The following AOPEP variants were observed in gnomAD, a reference collection of about 807,000 sequenced individuals.
AOPEP encodes aminopeptidase O.
AOPEP carries 77 observed loss-of-function variants against 98.1 expected under a neutral mutation model. The observed-to-expected ratio is 0.78, with a 90% CI of 0.65 to 0.95. The LOEUF (loss-of-function observed/expected upper bound fraction) is 0.95, where lower values mean the gene tolerates loss of function less well. Among genes scored for constraint, AOPEP ranks in the 40% least tolerant of loss-of-function variants. The probability of loss-of-function intolerance (pLI) is 0.00; values close to 1 mark genes in which losing one functional copy is unlikely to be tolerated. For missense variants in AOPEP, 1,024 were observed against 1,024.7 expected, an observed-to-expected ratio of 1.00 and a Z score of 0.01; for synonymous variants, 346 against 365.3, an observed-to-expected ratio of 0.95 and a Z score of 0.60.
At chr9:94,852,793 T>G (rs1246119017) in intron 5 of AOPEP, among the ~76,000 whole-genome samples, 1 of 152,240 alleles carries the variant, frequency 6.6e-6, no homozygotes, top group Non-Finnish European at 1.5e-5. Context: ...ATCTTTAAGA[T>G]TATATATATG....
chr9:94,883,410 A>G (rs2047824098), intron 5 of AOPEP, among the ~76,000 whole-genome samples: 1 of 152,238 alleles, frequency 6.6e-6, no homozygotes, highest in Non-Finnish European at 1.5e-5. Flanking sequence ...AATGAGGTAC[A>G]TAAACAGCTG....
rs528942672 is a variant in AOPEP at position 94,834,280 on chromosome 9, AAG to A, written c.1364+33288_1364+33289del. Among the ~76,000 whole-genome samples the A allele has an allele frequency of 2.0e-5, 3 of 152,328 alleles. No individual in the cohort carries two copies. In the South Asian group the frequency reaches 6.2e-4, roughly 32 times the overall value. On this transcript the variant is annotated intron_variant, in intron 5 of 16. Transcript: ENST00000375315. ...TCTTCAAAAGATACATTGCAAGGAA[AAG>A]AGAGAGAGATTGGGAGAACTGAAAA...
intron 5 of AOPEP, among the ~76,000 whole-genome samples, chr9:94,915,223 A>G (rs2052627050): frequency 6.6e-6 from 1 of 152,224 alleles, no homozygotes; most frequent in South Asian, 2.1e-4. Flanking sequence ...TAACGAACAT[A>G]AAATACTTAG....
chr9:94,797,328 G>T (rs921935525), intron 4 of AOPEP, among the ~76,000 whole-genome samples: 1 of 151,954 alleles, frequency 6.6e-6, no homozygotes, highest in Non-Finnish European at 1.5e-5. Context: ...GCTTACAGGA[G>T]GCTGGGGCAG....
intron 8 of AOPEP, 55 bp from the exon 9 acceptor site, chr9:94,955,853 T>C: frequency 7.7e-7 from 1 of 1,295,312 alleles, no homozygotes; most frequent in African/African-American, 1.5e-5. Context: ...ATATAACCAT[T>C]TTTTTATGAA....
intron 5 of AOPEP, among the ~76,000 whole-genome samples, chr9:94,908,596 A>G (rs994084845): frequency 6.6e-6 from 1 of 152,184 alleles, no homozygotes; most frequent in African/African-American, 2.4e-5. Flanking sequence ...CATCATACAC[A>G]AAACCGTCAA....
intron 10 of AOPEP, among the ~76,000 whole-genome samples, chr9:94,968,291 C>T (rs2059331338): frequency 6.6e-6 from 1 of 152,174 alleles, no homozygotes; most frequent in African/African-American, 2.4e-5. Context: ...CTCTGTCACC[C>T]AGGATGGAGT....
At chr9:94,943,762 TACAA>T (rs767963555) in intron 7 of AOPEP, among the ~76,000 whole-genome samples, 5 of 147,160 alleles carry the variant, frequency 3.4e-5, no homozygotes, top group Non-Finnish European at 6.0e-5. Flanking sequence ...CTGCTAAACA[TACAA>T]ACAATTAGCA....
intron 11 of AOPEP, among the ~76,000 whole-genome samples, chr9:94,997,808 CT>C (rs1331926096): frequency 6.6e-6 from 1 of 152,188 alleles, no homozygotes; most frequent in African/African-American, 2.4e-5. Flanking sequence ...ATACTTCTGC[CT>C]CAGCCTCCTG....
chr9:94,900,086 T>C (rs528438334), intron 5 of AOPEP, among the ~76,000 whole-genome samples: 5 of 152,186 alleles, frequency 3.3e-5, no homozygotes, highest in Non-Finnish European at 7.4e-5. Flanking sequence ...GAAACCACAG[T>C]TATAATATGA....
chr9:95,025,834 A>G (rs2063793559), intron 13 of AOPEP, among the ~76,000 whole-genome samples: 10 of 152,110 alleles, frequency 6.6e-5, no homozygotes, highest in Admixed American at 6.5e-4. Context: ...GTGTGTTCCT[A>G]GGGCAGTGGT....
chr9:95,066,323 AT>A (rs34635520), intron 14 of AOPEP, among the ~76,000 whole-genome samples: 33 of 150,916 alleles, frequency 2.2e-4, no homozygotes, highest in Admixed American at 1.1e-3. Flanking sequence ...TGATAAAGGG[AT>A]TTTTTTTTTA....
intron 13 of AOPEP, among the ~76,000 whole-genome samples, chr9:95,006,995 A>G (rs1051895468): frequency 6.7e-5 from 10 of 148,240 alleles, no homozygotes; most frequent in African/African-American, 2.5e-4. Flanking sequence ...TCGGCCTCCC[A>G]GGTTCAAGCT....
intron 13 of AOPEP, among the ~76,000 whole-genome samples, chr9:95,016,336 G>A (rs897099706): frequency 1.8e-4 from 26 of 145,248 alleles, no homozygotes; most frequent in African/African-American, 5.6e-4. Context: ...TCAGCCTCCC[G>A]GGTTCAAGCC....
At chr9:95,094,210 G>C in the AOPEP span, among the ~76,000 whole-genome samples, 1 of 152,252 alleles carries the variant, frequency 6.6e-6, no homozygotes, top group Non-Finnish European at 1.5e-5. Flanking sequence ...GAAAGCCCTA[G>C]ATGTGCGCAC....
intron 5 of AOPEP, among the ~76,000 whole-genome samples, chr9:94,850,998 G>A (rs2043478953): frequency 6.6e-6 from 1 of 152,218 alleles, no homozygotes; most frequent in Non-Finnish European, 1.5e-5. Context: ...ATCTAGCAAT[G>A]TGGCAGCAAT....
intron 5 of AOPEP, among the ~76,000 whole-genome samples, chr9:94,863,826 G>GAAGAAGA (rs2045395691): frequency 6.6e-6 from 1 of 152,198 alleles, no homozygotes; most frequent in African/African-American, 2.4e-5. Flanking sequence ...AGGAAAGGAG[G>GAAGAAGA]AAGAAGAAAG....
At chr9:95,117,029 C>T in the AOPEP span, among the ~76,000 whole-genome samples, 2 of 152,232 alleles carry the variant, frequency 1.3e-5, no homozygotes, top group Non-Finnish European at 2.9e-5. Flanking sequence ...ATCTGGTTGG[C>T]ACCAGAAGAG....
At chr9:94,803,426 C>T (rs575902207) in intron 5 of AOPEP, among the ~76,000 whole-genome samples, 114 of 152,196 alleles carry the variant, frequency 7.5e-4, no homozygotes, top group African/African-American at 2.6e-3. Context: ...TAAGCAGTTT[C>T]TGAGAATTTT....
Sources: gnomAD v4.1 joint callset for allele counts (sites outside exome capture counted in the v4.1 genomes callset) on GRCh38, gnomAD v4.1.1 for gene constraint, MANE v1.5 for transcripts, NCBI Gene and HGNC (gene_info 2026-07-23, HGNC 2026-07-21) for gene names.